The following IZUMO3 variants were observed in gnomAD, a reference collection of about 807,000 sequenced individuals.
IZUMO3 encodes izumo sperm-egg fusion protein 3.
In IZUMO3, 36 loss-of-function variants were observed where a neutral mutation model predicts 28.4. That is an observed-to-expected ratio of 1.27 (90% CI 0.97 to 1.67). IZUMO3 has a LOEUF of 1.67. IZUMO3 is among the 40% of genes most tolerant of loss of function. The pLI, the probability that IZUMO3 is intolerant of heterozygous loss-of-function variation, is 0.00. For synonymous variants in IZUMO3, 126 were observed against 99.2 expected, an observed-to-expected ratio of 1.27 and a Z score of -1.61; for missense variants, 387 against 278.5, an observed-to-expected ratio of 1.39 and a Z score of -2.77.
At position 24,545,034 on chromosome 9, in the gene IZUMO3, A is replaced by G. The variant is rs755192526; in HGVS notation, c.329T>C (p.Leu110Pro). Residue 110 changes from leucine (L) to proline (P), a missense_variant, in exon 3 of 7, where the codon CTC (leucine) becomes CCC (proline). Transcript: ENST00000543880. ...GGATTCCAGGTTTTGGCAGACATCG[A>G]GAAGCTTGCCTTGATAGATAAAGAC... is the stretch of plus-strand genomic sequence containing the variant. The part of the protein sequence containing the change: ...KGVFIYQGKL[L>P]DVCQNLESKL... 6.4e-7 allele frequency: 1 copy of G among 1,550,646 alleles called. No homozygotes were observed. Among genetic ancestry groups the G allele is most frequent in the Non-Finnish European group, 8.7e-7 (1 of 1,146,860 alleles).
Position 24,545,341 on chromosome 9 carries a change from G to T in IZUMO3, c.227-55C>A. 3.2e-6 allele frequency: 5 copies of T among 1,547,034 alleles called. No individual in the cohort carries two copies. In the South Asian group the frequency reaches 3.6e-5, roughly 11 times the overall value. ...GGGAATAATTACATCTATGCAGGAA[G>T]TTATGTAGACCCAGGTGTTCTCTTC... On this transcript the variant is annotated intron_variant, in intron 1 of 6. Coordinates refer to ENST00000543880, the MANE Select transcript of IZUMO3 (RefSeq NM_001365008.2).
In IZUMO3 at chr9:24,543,654, A is replaced by C. The variant is rs979175491; in HGVS notation, c.581+10T>G. 1 of 1,525,082 alleles carries C rather than the reference A, an allele frequency of 6.6e-7. No homozygotes were observed. The highest frequency in any genetic ancestry group is 1.4e-5 in the African/African-American group (1 of 72,514). The allele number at this position is 1,525,082 out of a possible 1,614,324, so 94.5% of individuals were successfully genotyped here. On this transcript the variant is annotated intron_variant, in intron 6 of 6. Transcript: ENST00000543880. ...TTGACCCAGTGTTTATTTGGAGAGA[A>C]GAAACTCACAGTAACACAGCACTTC...
intron 6 of IZUMO3, 44 bp from the exon 7 acceptor site, chr9:24,543,411 C>T: frequency 1.8e-6 from 2 of 1,132,938 alleles, no homozygotes; most frequent in Non-Finnish European, 2.4e-6. Flanking sequence ...ATATCAGTAG[C>T]CCCATTCTTT....
intron 6 of IZUMO3, 81 bp from the exon 7 acceptor site, chr9:24,543,448 T>TTTTG (rs1819503199): frequency 2.1e-5 from 16 of 779,910 alleles, no homozygotes; most frequent in South Asian, 3.3e-5. Flanking sequence ...GTTTTTTTTT[T>TTTTG]TTTTTTTTTT....
chr9:24,545,398 C>T (rs751871195), intron 1 of IZUMO3, 26 bp downstream of exon 1: 11 of 1,544,128 alleles, frequency 7.1e-6, no homozygotes, highest in Non-Finnish European at 9.6e-6. Context: ...AGCCCCTGGA[C>T]TCTCAGGAAC....
At position 24,545,873 on chromosome 9, in the gene IZUMO3, G is replaced by A. The variant is rs1278373774; in HGVS notation, c.-224C>T. The A allele has an allele frequency of 1.2e-5, 18 of 1,508,926 alleles. No homozygotes were observed. Among genetic ancestry groups the A allele is most frequent in the Non-Finnish European group, 1.5e-5 (17 of 1,121,578 alleles). The allele number at this position is 1,508,926 out of a possible 1,614,324, so 93.5% of individuals were successfully genotyped here. ...TTCATTCTAGGAGAGGGAACTGCCAGCTGGGGAGCGGATACCTGAGTTCTG... is the reference window on the plus strand; with the variant it reads ...TTCATTCTAGGAGAGGGAACTGCCAACTGGGGAGCGGATACCTGAGTTCTG... On this transcript the variant is annotated 5_prime_UTR_variant, in exon 1 of 7. Transcript: ENST00000543880.
Position 24,543,317 on chromosome 9 carries a change from G to C in IZUMO3, c.632C>G (p.Ser211Trp). The C allele has an allele frequency of 6.5e-7, 1 of 1,548,016 alleles. No homozygotes were observed. The highest frequency in any genetic ancestry group is 8.7e-7 in the Non-Finnish European group (1 of 1,145,708). ...TTTCTTCTCCACATATTCCTTTAGC[G>C]ACCTTCGTATTGCCTTCATTTTCCT... ...HRRKMKAIRR[S>W]LKEYVEKKLE... Residue 211 changes from serine (S) to tryptophan (W), a missense_variant, in exon 7 of 7, where the codon TCG (serine) becomes TGG (tryptophan). By Grantham distance (177) the Ser-to-Trp change is radical. Transcript: ENST00000543880.
rs1421843141 is a variant in IZUMO3, at chr9:24,545,791, C to T, written c.-142G>A. On this transcript the variant is annotated 5_prime_UTR_variant, in exon 1 of 7. Transcript: ENST00000543880. ...TTTCCCGCTGTTTCCATCCCACTATCGGGCAATCTTTAGTTGTTTAGTTTA... is the reference window on the plus strand; with the variant it reads ...TTTCCCGCTGTTTCCATCCCACTATTGGGCAATCTTTAGTTGTTTAGTTTA... 41 of 1,539,446 alleles carry T rather than the reference C, an allele frequency of 2.7e-5. No individual in the cohort carries two copies. Among genetic ancestry groups the T allele is most frequent in the South Asian group, 4.9e-5 (4 of 82,090 alleles).
chr9:24,545,200 A>G lies in IZUMO3; in HGVS notation c.301+12T>C. 6.5e-7 allele frequency: 1 copy of G among 1,548,298 alleles called. No homozygotes were observed. The highest frequency in any genetic ancestry group is 8.7e-7 in the Non-Finnish European group (1 of 1,145,000). On this transcript the variant is annotated intron_variant, in intron 2 of 6. Transcript: ENST00000543880. The stretch of plus-strand genomic sequence containing the variant: ...AGCAATACAAACTTTTAACATTGAA[A>G]CAGTACCTCACCTTTCCATGTTTCA...
chr9:24,544,814 T>A, intron 3 of IZUMO3, 54 bp from the exon 4 acceptor site: 2 of 1,513,242 alleles, frequency 1.3e-6, no homozygotes, highest in South Asian at 2.4e-5. Flanking sequence ...CAGTTTGCCA[T>A]ATTTATACCC....
rs1438615266 is a variant in IZUMO3 at position 24,543,053 on chromosome 9, C to T, written c.*176G>A. On this transcript the variant is annotated 3_prime_UTR_variant, in exon 7 of 7. Coordinates refer to ENST00000543880, the MANE Select transcript of IZUMO3 (RefSeq NM_001365008.2). ...ACTCTGGCCAAATTATTTGCTCTCC[C>T]ATTACTTCCGTTGTCTCAGGATATC... 2.0e-6 allele frequency: 1 copy of T among 506,986 alleles called. No individual in the cohort carries two copies. Among genetic ancestry groups the T allele is most frequent in the African/African-American group, 2.0e-5 (1 of 50,806 alleles). The allele number at this position is 506,986 out of a possible 1,614,324, so 31.4% of individuals were successfully genotyped here.
chr9:24,543,752 C>T lies in IZUMO3; in HGVS notation c.493G>A (p.Glu165Lys), dbSNP rs774173308. ...CGATTCTCAGCCTTTCTTGGATCCT[C>T]GTCTGGAAGGAGAAACAGGAAAATA... is the stretch of plus-strand genomic sequence containing the variant. ...RCFKGEYCGD[E>K]DPRKAENREI... Residue 165 changes from glutamate (E) to lysine (K), a missense_variant and splice_region_variant, in exon 6 of 7, where the codon GAG (glutamate) becomes AAG (lysine). Transcript: ENST00000543880. 2.2e-5 allele frequency: 34 copies of T among 1,542,790 alleles called. No homozygotes were observed. Among genetic ancestry groups the T allele is most frequent in the Middle Eastern group, 3.3e-4 (2 of 5,978 alleles).
Position 24,545,635 on chromosome 9 carries a change from C to A in IZUMO3, c.15G>T (p.Trp5Cys). The change falls in exon 1 of 7, where the codon TGG becomes TGT. Residue 5 changes from tryptophan to cysteine, a missense_variant. By Grantham distance (215) the Trp-to-Cys change is radical (BLOSUM62 -2). Coordinates refer to ENST00000543880, the MANE Select transcript of IZUMO3 (RefSeq NM_001365008.2). ...CTGAGAGGGGCAGGAGCAGGAATAA[C>A]CACAGGTCACCCATTTCTTTCTTCA... MGDL[W>C]LFLLLPLSAF... 6.5e-7 allele frequency: 1 copy of A among 1,535,186 alleles called. No individual in the cohort carries two copies. Among genetic ancestry groups the A allele is most frequent in the Non-Finnish European group, 8.7e-7 (1 of 1,146,656 alleles).
rs945724141 is a variant in IZUMO3 at position 24,544,734 on chromosome 9, T to C, written c.409+9A>G. ...TGAAACCTCAAGGCGTCACATGTACTGTACTCACTGCAATCTTCAGAACAA... is the reference window on the plus strand; with the variant it reads ...TGAAACCTCAAGGCGTCACATGTACCGTACTCACTGCAATCTTCAGAACAA... On this transcript the variant is annotated intron_variant, in intron 4 of 6. Transcript: ENST00000543880. 1 of 1,549,858 alleles carries C rather than the reference T, an allele frequency of 6.5e-7. No homozygotes were observed. The highest frequency in any genetic ancestry group is 8.7e-7 in the Non-Finnish European group (1 of 1,146,420).
chr9:24,544,917 A>G (rs1032489810), intron 3 of IZUMO3, 55 bp downstream of exon 3: 6 of 1,402,472 alleles, frequency 4.3e-6, no homozygotes, highest in Non-Finnish European at 5.9e-6. Flanking sequence ...CTCATCCCGC[A>G]TTTTCTATTC....
In IZUMO3 at chr9:24,543,661, C is replaced by A. The variant is rs964379745; in HGVS notation, c.581+3G>T. ...AGTGTTTATTTGGAGAGAAGAAACT[C>A]ACAGTAACACAGCACTTCCCAGTAT... On this transcript the variant is annotated splice_donor_region_variant and intron_variant, in intron 6 of 6. Coordinates refer to ENST00000543880, the MANE Select transcript of IZUMO3 (RefSeq NM_001365008.2). The A allele has an allele frequency of 2.0e-5, 31 of 1,535,304 alleles. No homozygotes were observed. Among genetic ancestry groups the A allele is most frequent in the Non-Finnish European group, 2.5e-5 (28 of 1,134,088 alleles).
chr9:24,544,645 T>G, intron 4 of IZUMO3, 98 bp downstream of exon 4: 1 of 1,068,754 alleles, frequency 9.4e-7, no homozygotes, highest in Non-Finnish European at 1.4e-6. Context: ...AGGAATTGGT[T>G]TCCCAGTGTA....
rs1819582929 is a variant in IZUMO3 at position 24,545,877 on chromosome 9, G to A, written c.-228C>T. On this transcript the variant is annotated 5_prime_UTR_variant, in exon 1 of 7. Transcript: ENST00000543880. Reference sequence around the variant, plus strand: ...TTCTAGGAGAGGGAACTGCCAGCTGGGGAGCGGATACCTGAGTTCTGAGTG... The same window carrying A: ...TTCTAGGAGAGGGAACTGCCAGCTGAGGAGCGGATACCTGAGTTCTGAGTG... 4.6e-6 allele frequency: 7 copies of A among 1,505,710 alleles called. No homozygotes were observed. The highest frequency in any genetic ancestry group is 3.6e-6 in the Non-Finnish European group (4 of 1,119,514). 93.3% of individuals were successfully genotyped at this position (1,505,710 alleles called of 1,614,324 possible).
In IZUMO3 at chr9:24,544,690, G is replaced by A. The variant is rs553017460; in HGVS notation, c.409+53C>T. The stretch of plus-strand genomic sequence containing the variant: ...AGAGATAGGGCCATATAGAGCAAAG[G>A]AGATGGGAAAATATGGGCTGAAACC... On this transcript the variant is annotated intron_variant, in intron 4 of 6. Transcript: ENST00000543880. 15 of 1,499,130 alleles carry A rather than the reference G, an allele frequency of 1.0e-5. No individual in the cohort carries two copies. In the East Asian group the frequency reaches 3.2e-4, roughly 32 times the overall value. 92.9% of individuals were successfully genotyped at this position (1,499,130 alleles called of 1,614,324 possible).
Sources: gnomAD v4.1 joint callset for allele counts on GRCh38, gnomAD v4.1.1 for gene constraint, MANE v1.5 for transcripts, NCBI Gene and HGNC (gene_info 2026-07-23, HGNC 2026-07-21) for gene names.